Variants in JAZF1 observed in about 807,000 individuals in gnomAD.
The protein encoded by JAZF1 is JAZF zinc finger 1, also known as juxtaposed with another zinc finger protein 1.
Under a neutral mutation model 26.4 loss-of-function variants are expected in JAZF1, and 8 were observed. That is an observed-to-expected ratio of 0.30 (90% confidence interval 0.18 to 0.55). The LOEUF is 0.55. JAZF1 is among the 20% of genes least tolerant of loss of function. The pLI is 0.94. For missense variants in JAZF1, 199 were observed against 322.0 expected (o/e 0.62, Z 2.92); for synonymous variants, 126 against 122.3 (o/e 1.03, Z -0.20).
chr7:27,862,094 C>T (rs896945221), intron 3 of JAZF1, among the ~76,000 whole-genome samples: 2 of 152,222 alleles, frequency 1.3e-5, no homozygotes, highest in Non-Finnish European at 2.9e-5. Flanking sequence ...GAAGGGACAT[C>T]CCGTGGAGAC....
intron 1 of JAZF1, among the ~76,000 whole-genome samples, chr7:28,080,428 C>T (rs960989990): frequency 7.9e-5 from 12 of 152,188 alleles, no homozygotes; most frequent in African/African-American, 2.7e-4. Context: ...CTTTTAATTT[C>T]CCTCAAGAAC....
Position 28,055,841 on chromosome 7 carries a change from G to A in JAZF1, c.116-63860C>T, listed in dbSNP as rs576557784. On this transcript the variant is annotated intron_variant, in intron 1 of 4. Coordinates refer to ENST00000283928, the MANE Select transcript of JAZF1 (RefSeq NM_175061.4). ...ATTCCTGAAAACACCAAAGCAATAC[G>A]TATAATATAAGCCCCACATTCCAGA... Among the ~76,000 whole-genome samples the A allele has an allele frequency of 1.3e-3, 205 of 152,270 alleles. 2 individuals carry two copies. Among genetic ancestry groups the A allele is most frequent in the Non-Finnish European group, 2.0e-3 (133 of 68,026 alleles).
chr7:27,846,827 T>C (rs903830548), intron 3 of JAZF1, among the ~76,000 whole-genome samples: 1 of 152,244 alleles, frequency 6.6e-6, no homozygotes, highest in Admixed American at 6.5e-5. Flanking sequence ...TTGAGTTGTA[T>C]GAGTACTTTG....
intron 3 of JAZF1, among the ~76,000 whole-genome samples, chr7:27,845,988 T>C (rs1262452299): frequency 1.3e-5 from 2 of 152,074 alleles, no homozygotes; most frequent in Non-Finnish European, 2.9e-5. Context: ...ACCCGTTATG[T>C]GCCAACCACC....
chr7:27,983,516 A>G (rs1425337675), intron 2 of JAZF1, among the ~76,000 whole-genome samples: 1 of 152,198 alleles, frequency 6.6e-6, no homozygotes, highest in East Asian at 1.9e-4. Context: ...ACCAAACTGG[A>G]AAATACTCTG....
chr7:27,834,892 CAGAA>C (rs567991300), intron 4 of JAZF1, among the ~76,000 whole-genome samples: 138 of 152,272 alleles, frequency 9.1e-4, no homozygotes, highest in Non-Finnish European at 1.6e-3. Flanking sequence ...GTGAGAGAGA[CAGAA>C]AGAGAGTGAA....
At chr7:27,940,669 G>A (rs777883479) in intron 2 of JAZF1, among the ~76,000 whole-genome samples, 2 of 152,108 alleles carry the variant, frequency 1.3e-5, no homozygotes, top group African/African-American at 2.4e-5. Flanking sequence ...GGGTGGAGGC[G>A]GCCTGGGTCT....
At chr7:28,106,064 G>C (rs80336083) in intron 1 of JAZF1, among the ~76,000 whole-genome samples, 1,564 of 152,290 alleles carry the variant, frequency 0.01, 25 homozygotes, top group African/African-American at 0.036. Flanking sequence ...GAGGTTTTCA[G>C]TAGGTAACAA....
At chr7:27,849,791 GGCCGCCC>G (rs1783108523) in intron 3 of JAZF1, among the ~76,000 whole-genome samples, 1 of 58,950 alleles carries the variant, frequency 1.7e-5, no homozygotes, top group East Asian at 2.6e-4. Flanking sequence ...ACCTCTTCCC[GGCCGCCC>G]ACCTACACGG....
chr7:27,883,533 A>G (rs1331749162), intron 3 of JAZF1, among the ~76,000 whole-genome samples: 2 of 152,242 alleles, frequency 1.3e-5, no homozygotes, highest in Non-Finnish European at 2.9e-5. Flanking sequence ...TTCTGTTAGT[A>G]CAGATATTAA....
At chr7:27,907,735 T>G (rs758868714) in intron 2 of JAZF1, among the ~76,000 whole-genome samples, 5 of 152,174 alleles carry the variant, frequency 3.3e-5, no homozygotes, top group Non-Finnish European at 7.4e-5. Flanking sequence ...ATTCTCAATG[T>G]GAGAGGAGGT....
At chr7:27,861,714 A>T (rs1783384441) in intron 3 of JAZF1, among the ~76,000 whole-genome samples, 1 of 152,074 alleles carries the variant, frequency 6.6e-6, no homozygotes, top group Non-Finnish European at 1.5e-5. Context: ...CCAAACCTTG[A>T]GGATCCTTGT....
intron 1 of JAZF1, among the ~76,000 whole-genome samples, chr7:28,069,801 T>C (rs550085355): frequency 3.2e-4 from 49 of 152,268 alleles, no homozygotes; most frequent in Non-Finnish European, 5.9e-4. Flanking sequence ...GCATTCACCA[T>C]GCTGAGCGTT....
chr7:27,925,294 G>A (rs981180842), intron 2 of JAZF1, among the ~76,000 whole-genome samples: 1 of 152,210 alleles, frequency 6.6e-6, no homozygotes, highest in Non-Finnish European at 1.5e-5. Context: ...AGCCTTTCAT[G>A]AGATTTGAAA....
chr7:28,045,014 TA>T (rs1266274448), intron 1 of JAZF1, among the ~76,000 whole-genome samples: 2 of 152,126 alleles, frequency 1.3e-5, no homozygotes, highest in East Asian at 3.9e-4. Context: ...ACCATCCTCT[TA>T]AACTCTGAAT....
intron 3 of JAZF1, among the ~76,000 whole-genome samples, chr7:27,877,364 G>T (rs1443395346): frequency 6.6e-6 from 1 of 152,148 alleles, no homozygotes. Context: ...ATCTTTGGAA[G>T]CGAACATGGA....
At chr7:28,162,879 T>C (rs909285939) in intron 1 of JAZF1, among the ~76,000 whole-genome samples, 9 of 152,226 alleles carry the variant, frequency 5.9e-5, no homozygotes, top group African/African-American at 1.9e-4. Flanking sequence ...AGGAATAATC[T>C]AATCTGGTCC....
At chr7:28,107,097 C>A (rs1379515692) in intron 1 of JAZF1, among the ~76,000 whole-genome samples, 1 of 152,164 alleles carries the variant, frequency 6.6e-6, no homozygotes, top group Non-Finnish European at 1.5e-5. Context: ...CTCAAGCTGC[C>A]AACATCGAAT....
chr7:27,882,709 C>G (rs1783793858), intron 3 of JAZF1, among the ~76,000 whole-genome samples: 2 of 152,118 alleles, frequency 1.3e-5, no homozygotes, highest in Admixed American at 1.3e-4. Flanking sequence ...GCCTGGGGAT[C>G]ATTTTATTGT....
Sources: gnomAD v4.1 joint callset for allele counts (sites outside exome capture counted in the v4.1 genomes callset) on GRCh38, gnomAD v4.1.1 for gene constraint, MANE v1.5 for transcripts, NCBI Gene and HGNC (gene_info 2026-07-23, HGNC 2026-07-21) for gene names.